Variants in TENM3 observed in about 807,000 individuals in gnomAD.
The protein encoded by TENM3 is teneurin transmembrane protein 3.
In TENM3, 63 loss-of-function variants were observed where a neutral mutation model predicts 255.1. The observed-to-expected ratio is 0.25, with a 90% CI of 0.20 to 0.30. The LOEUF is 0.30. Among genes scored for constraint, TENM3 ranks in the 10% least tolerant of loss-of-function variants. TENM3 has a pLI of 1.00. For missense variants in TENM3, 2,929 were observed against 3,461.1 expected (o/e 0.85, Z 3.86); for synonymous variants, 1,306 against 1,322.3 (o/e 0.99, Z 0.27).
intron 1 of TENM3, among the ~76,000 whole-genome samples, chr4:182,226,538 A>G (rs920569613): frequency 8.5e-5 from 13 of 152,180 alleles, no homozygotes; most frequent in African/African-American, 3.1e-4. Context: ...ATGAGCATAT[A>G]TATATGTAAG....
At chr4:181,503,009 G>T in the TENM3 span, among the ~76,000 whole-genome samples, 1 of 152,144 alleles carries the variant, frequency 6.6e-6, no homozygotes, top group African/African-American at 2.4e-5. Flanking sequence ...CCCTTCTCTG[G>T]CCTTTGTTTC....
intron 22 of TENM3, among the ~76,000 whole-genome samples, chr4:182,763,375 C>A (rs1288546058): frequency 2.0e-5 from 3 of 152,080 alleles, no homozygotes; most frequent in African/African-American, 7.2e-5. Flanking sequence ...ACCATCCTAG[C>A]TAACACGGTG....
the TENM3 span, among the ~76,000 whole-genome samples, chr4:181,702,286 A>T: frequency 2.0e-5 from 3 of 152,210 alleles, no homozygotes. Context: ...AATGTGTACA[A>T]CTGCTTTCTT....
At chr4:181,785,526 C>A in the TENM3 span, among the ~76,000 whole-genome samples, 2 of 152,138 alleles carry the variant, frequency 1.3e-5, no homozygotes, top group African/African-American at 4.8e-5. Context: ...CGCATATACA[C>A]ATTAAGTATC....
chr4:181,619,723 C>T, the TENM3 span, among the ~76,000 whole-genome samples: 1 of 152,146 alleles, frequency 6.6e-6, no homozygotes, highest in African/African-American at 2.4e-5. Flanking sequence ...GCCACTGTAC[C>T]TAACCTCAGT....
chr4:181,757,618 C>G, the TENM3 span, among the ~76,000 whole-genome samples: 1 of 152,102 alleles, frequency 6.6e-6, no homozygotes, highest in Non-Finnish European at 1.5e-5. Context: ...CTGGTGTACG[C>G]GACACAGTAG....
intron 6 of TENM3, among the ~76,000 whole-genome samples, chr4:182,656,553 T>C (rs1017885735): frequency 1.3e-5 from 2 of 152,104 alleles, no homozygotes; most frequent in South Asian, 4.1e-4. Context: ...ACCCACTACT[T>C]AAATTTTATA....
chr4:181,840,516 C>CAAAAACTCAAAA, the TENM3 span, among the ~76,000 whole-genome samples: 1 of 152,060 alleles, frequency 6.6e-6, no homozygotes, highest in Non-Finnish European at 1.5e-5. Flanking sequence ...GAGTAAGCCT[C>CAAAAACTCAAAA]AAAATTATGA....
At chr4:182,190,411 C>G (rs990342214) in intron 1 of TENM3, 1 of 152,224 alleles carries the variant, frequency 6.6e-6, no homozygotes, top group African/African-American at 2.4e-5. Context: ...AAACCTTGCG[C>G]TAACAGCCGG....
the TENM3 span, among the ~76,000 whole-genome samples, chr4:181,965,765 C>T: frequency 6.6e-6 from 1 of 152,132 alleles, no homozygotes; most frequent in Non-Finnish European, 1.5e-5. Flanking sequence ...CTTTTTAATG[C>T]CAGTTATCTG....
chr4:181,616,508 A>G, the TENM3 span, among the ~76,000 whole-genome samples: 1 of 149,832 alleles, frequency 6.7e-6, no homozygotes, highest in Non-Finnish European at 1.5e-5. Flanking sequence ...ATATAATATT[A>G]TAATAATATA....
the TENM3 span, among the ~76,000 whole-genome samples, chr4:181,651,741 T>C: frequency 2.7e-3 from 411 of 152,282 alleles, 1 homozygote; most frequent in African/African-American, 9.4e-3. Flanking sequence ...TTAAAACTAA[T>C]GGGATTATGC....
intron 3 of TENM3, among the ~76,000 whole-genome samples, chr4:182,425,280 A>T (rs986145903): frequency 6.6e-6 from 1 of 152,222 alleles, no homozygotes; most frequent in Non-Finnish European, 1.5e-5. Context: ...CTCCAAAAAA[A>T]GTCAAACAAC....
rs1430218904 is a variant in TENM3 at position 182,800,270 on chromosome 4, C to T, written c.8019C>T (p.Leu2673=). The part of the protein sequence containing the change: ...KVQGYDGYYV[L]SVEQYPELAD... ...AGGGCTACGACGGGTACTACGTACTCTCGGTGGAGCAGTACCCCGAGCTGG... is the reference window on the plus strand; with the variant it reads ...AGGGCTACGACGGGTACTACGTACTTTCGGTGGAGCAGTACCCCGAGCTGG... The change falls in exon 28 of 28, where the codon CTC becomes CTT. Residue 2673 remains leucine, a synonymous_variant. Coordinates refer to ENST00000511685, the MANE Select transcript of TENM3 (RefSeq NM_001080477.4). 6.3e-7 allele frequency: 1 copy of T among 1,594,096 alleles called. No individual in the cohort carries two copies. Among genetic ancestry groups the T allele is most frequent in the African/African-American group, 1.3e-5 (1 of 74,796 alleles).
chr4:181,674,425 A>AAC, the TENM3 span, among the ~76,000 whole-genome samples: 1 of 152,076 alleles, frequency 6.6e-6, no homozygotes, highest in Non-Finnish European at 1.5e-5. Context: ...GAAAAAAAAA[A>AAC]AAACTCATGT....
At chr4:181,730,252 T>G in the TENM3 span, among the ~76,000 whole-genome samples, 1 of 152,198 alleles carries the variant, frequency 6.6e-6, no homozygotes, top group Non-Finnish European at 1.5e-5. Flanking sequence ...TTGGCTCTTT[T>G]CCACAAAAGG....
chr4:181,852,410 G>A, the TENM3 span, among the ~76,000 whole-genome samples: 1 of 152,072 alleles, frequency 6.6e-6, no homozygotes, highest in African/African-American at 2.4e-5. Flanking sequence ...TGGGACTTTG[G>A]GTAAATCATT....
intron 3 of TENM3, among the ~76,000 whole-genome samples, chr4:182,527,497 A>G (rs1372091363): frequency 2.6e-5 from 4 of 152,144 alleles, no homozygotes; most frequent in Admixed American, 6.5e-5. Context: ...TGGTTTAAAA[A>G]AAAAAAAACC....
intron 13 of TENM3, among the ~76,000 whole-genome samples, chr4:182,716,167 G>A (rs1759148558): frequency 6.6e-6 from 1 of 152,124 alleles, no homozygotes; most frequent in Non-Finnish European, 1.5e-5. Context: ...AGGAAGGAGA[G>A]CTTCTCTTTC....
Sources: allele counts gnomAD v4.1 joint callset (sites outside exome capture counted in the v4.1 genomes callset), GRCh38; gene constraint gnomAD v4.1.1; transcripts MANE v1.5; gene names NCBI Gene and HGNC (gene_info 2026-07-23, HGNC 2026-07-21).